CKMT2: variants seen among roughly 807,000 people sequenced by gnomAD.
The protein encoded by CKMT2 is creatine kinase, mitochondrial 2.
A neutral mutation model predicts 48.9 loss-of-function variants in CKMT2; 43 were observed. The observed-to-expected ratio is 0.88, with a 90% CI of 0.69 to 1.13. CKMT2 has a LOEUF of 1.13. CKMT2 is among the 50% of genes most tolerant of loss of function. The pLI is 0.00. For synonymous variants in CKMT2, 206 were observed against 213.0 expected, an observed-to-expected ratio of 0.97 and a Z score of 0.29; for missense variants, 472 against 555.4, an observed-to-expected ratio of 0.85 and a Z score of 1.51.
chr5:81,242,094 A>C (rs537271730), intron 1 of CKMT2, among the ~76,000 whole-genome samples: 176 of 152,276 alleles, frequency 1.2e-3, no homozygotes, highest in African/African-American at 4.1e-3. Flanking sequence ...ATGAGCTCCC[A>C]GGGTTCAGAC....
Position 81,256,857 on chromosome 5 carries a change from G to A in CKMT2, c.670-58G>A, listed in dbSNP as rs924428399. The A allele has an allele frequency of 2.4e-6, 3 of 1,253,052 alleles. No individual in the cohort carries two copies. The African/African-American group carries it at 4.5e-5, about 19-fold the overall frequency. 77.6% of individuals were successfully genotyped at this position (1,253,052 alleles called of 1,614,324 possible). ...GTTGGAACTTGTTCACCTGGCACTT[G>A]CAGTCCTGTTTGATCTCATCAGTCT... is the stretch of plus-strand genomic sequence containing the variant. On this transcript the variant is annotated intron_variant, in intron 5 of 9. Transcript: ENST00000254035.
At chr5:81,254,635 AG>A in intron 4 of CKMT2, 144 bp downstream of exon 4, 1 of 676,660 alleles carries the variant, frequency 1.5e-6, no homozygotes. Context: ...TTCCCTCTGG[AG>A]GGCCACAGAG....
chr5:81,255,450 T>G lies in CKMT2; in HGVS notation c.669+236T>G, dbSNP rs566414718. Among the ~76,000 whole-genome samples, 7 of 152,342 alleles carry G rather than the reference T, an allele frequency of 4.6e-5. No homozygotes were observed. In the South Asian group the frequency reaches 1.4e-3, roughly 32 times the overall value. On this transcript the variant is annotated intron_variant, in intron 5 of 9. Coordinates refer to ENST00000254035, the MANE Select transcript of CKMT2 (RefSeq NM_001099735.2). ...TATGCATAAAATCTGCATAGGAAAC[T>G]CCAATATGGAGATGGTGCCTGCGGT...
At chr5:81,251,045 A>G (rs1580444744) in intron 1 of CKMT2, 68 bp from the exon 2 acceptor site, 1 of 1,253,792 alleles carries the variant, frequency 8.0e-7, no homozygotes, top group Non-Finnish European at 1.1e-6. Context: ...TCTCTTGCCC[A>G]TTGACCCCTA....
At chr5:81,239,816 A>G (rs561766430) in intron 1 of CKMT2, among the ~76,000 whole-genome samples, 2 of 152,200 alleles carry the variant, frequency 1.3e-5, no homozygotes, top group African/African-American at 4.8e-5. Flanking sequence ...GTGGACTATG[A>G]CTGCTGGCCA....
intron 1 of CKMT2, chr5:81,237,854 C>A (rs1356547486): frequency 6.6e-6 from 1 of 152,144 alleles, no homozygotes; most frequent in Non-Finnish European, 1.5e-5. Flanking sequence ...ACAGATGGGC[C>A]TCCAGGTAAG....
At chr5:81,244,460 A>C (rs1336475098) in intron 1 of CKMT2, among the ~76,000 whole-genome samples, 1 of 152,230 alleles carries the variant, frequency 6.6e-6, no homozygotes, top group Admixed American at 6.5e-5. Flanking sequence ...AGGGATTTCC[A>C]GAAAGAGCTC....
chr5:81,251,191 C>T lies in CKMT2; in HGVS notation c.59C>T (p.Thr20Ile). The T allele has an allele frequency of 6.2e-7, 1 of 1,614,138 alleles. No individual in the cohort carries two copies. Among genetic ancestry groups the T allele is most frequent in the Non-Finnish European group, 8.5e-7 (1 of 1,180,014 alleles). Residue 20 changes from threonine to isoleucine, a missense_variant, in exon 2 of 10, where the codon ACC (threonine) becomes ATC (isoleucine). By Grantham distance (89) the Thr-to-Ile change is moderately conservative (BLOSUM62 -1). Transcript: ENST00000254035. ...TGRNASLLFATMGTSVLTTGY... is the reference protein window; with the variant it reads ...TGRNASLLFAIMGTSVLTTGY... ...CGCAATGCTTCTCTGCTGTTTGCTA[C>T]CATGGGCACCAGTGTCCTGACCACC...
Position 81,254,895 on chromosome 5 carries a change from C to T in CKMT2, c.448-98C>T, listed in dbSNP as rs959458250. On this transcript the variant is annotated intron_variant, in intron 4 of 9. Transcript: ENST00000254035. ...GCAGTCGTGCACAGTGCCTGAGGGT[C>T]CCCAGGGAAACTGCAGATTGGCGAT... 1.6e-4 allele frequency: 158 copies of T among 995,876 alleles called. 1 individual carries two copies. The South Asian group carries it at 2.0e-3, about 13-fold the overall frequency. The allele number at this position is 995,876 out of a possible 1,614,324, so 61.7% of individuals were successfully genotyped here. A position where few individuals can be genotyped will look rare whatever the true frequency, so the allele number is the denominator to read the frequency against.
chr5:81,263,624 C>G lies in CKMT2; in HGVS notation c.1140+8C>G, dbSNP rs778037762. 2.5e-6 allele frequency: 4 copies of G among 1,607,768 alleles called. No individual in the cohort carries two copies. The South Asian group carries it at 4.4e-5, about 18-fold the overall frequency. On this transcript the variant is annotated splice_region_variant and intron_variant, in intron 9 of 9. Transcript: ENST00000254035. The stretch of plus-strand genomic sequence containing the variant: ...AGAATTGGTCGATCAGAGGTAACGT[C>G]TCTCTCACTTTCCTAACATGAACTA...
chr5:81,252,928 G>A (rs770617324), intron 3 of CKMT2, 35 bp downstream of exon 3: 9 of 1,605,272 alleles, frequency 5.6e-6, no homozygotes, highest in South Asian at 1.1e-5. Flanking sequence ...AGGGTGGGAG[G>A]GATGCTCTGG....
chr5:81,263,648 T>C (rs1757304188), intron 9 of CKMT2, 32 bp downstream of exon 9: 2 of 1,581,256 alleles, frequency 1.3e-6, no homozygotes, highest in African/African-American at 2.7e-5. Flanking sequence ...TAACATGAAC[T>C]AACAAAATCA....
intron 6 of CKMT2, 86 bp from the exon 7 acceptor site, chr5:81,257,647 G>GCAAT (rs2112815691): frequency 2.5e-6 from 3 of 1,201,186 alleles, no homozygotes; most frequent in Admixed American, 2.2e-5. Context: ...GTGAAATGAA[G>GCAAT]CAATCAAGCT....
At chr5:81,250,978 C>CACACACACACACACACACACACACAGAG in intron 1 of CKMT2, 135 bp from the exon 2 acceptor site, 1 of 646,438 alleles carries the variant, frequency 1.5e-6, no homozygotes, top group Non-Finnish European at 2.7e-6. Context: ...CACACACACA[C>CACACACACACACACACACACACACAGAG]AGAAAGAGAG....
intron 8 of CKMT2, 152 bp from the exon 9 acceptor site, chr5:81,263,339 A>G: frequency 4.8e-6 from 1 of 209,926 alleles, no homozygotes. Flanking sequence ...TATATATTCA[A>G]TATATATATC....
intron 1 of CKMT2, 122 bp downstream of exon 1, chr5:81,233,499 C>T (rs1034997548): frequency 1.4e-5 from 10 of 691,414 alleles, no homozygotes; most frequent in African/African-American, 1.4e-4. Context: ...AGGACGCTGA[C>T]TGCGAGGAGG....
At chr5:81,262,221 CTAAAAACCA>C (rs1438204862) in intron 8 of CKMT2, among the ~76,000 whole-genome samples, 2 of 151,996 alleles carry the variant, frequency 1.3e-5, no homozygotes, top group Non-Finnish European at 2.9e-5. Flanking sequence ...AACATAAGAC[CTAAAAACCA>C]TAAAAACCCT....
chr5:81,255,096 A>C lies in CKMT2; in HGVS notation c.551A>C (p.Glu184Ala). Residue 184 changes from glutamate to alanine, a missense_variant, in exon 5 of 10, where the codon GAG (glutamate) becomes GCG (alanine). By Grantham distance (107) the Glu-to-Ala change is moderately radical. Transcript: ENST00000254035. ...CTGCCTCCAGCCTGCACCCGGGCCGAGCGAAGGGAGGTAGAGAACGTGGCC... is the reference window on the plus strand; with the variant it reads ...CTGCCTCCAGCCTGCACCCGGGCCGCGCGAAGGGAGGTAGAGAACGTGGCC... ...LSLPPACTRA[E>A]RREVENVAIT... The C allele has an allele frequency of 4.3e-6, 7 of 1,614,068 alleles. No individual in the cohort carries two copies. The highest frequency in any genetic ancestry group is 5.9e-6 in the Non-Finnish European group (7 of 1,180,022).
chr5:81,241,159 A>G (rs1017918810), intron 1 of CKMT2, among the ~76,000 whole-genome samples: 3 of 152,168 alleles, frequency 2.0e-5, no homozygotes, highest in Non-Finnish European at 2.9e-5. Context: ...TGATGCGTGG[A>G]ATTCCCAGTG....
Sources: gnomAD v4.1 joint callset for allele counts (sites outside exome capture counted in the v4.1 genomes callset) on GRCh38, gnomAD v4.1.1 for gene constraint, MANE v1.5 for transcripts, NCBI Gene and HGNC (gene_info 2026-07-23, HGNC 2026-07-21) for gene names.